Variants in PCDHA2 observed in about 807,000 individuals in gnomAD.
PCDHA2 encodes protocadherin alpha-2.
PCDHA2 carries 58 observed loss-of-function variants against 66.0 expected under a neutral mutation model. The ratio of observed to expected loss-of-function variants is 0.88; its 90% confidence interval spans 0.71 to 1.09. PCDHA2 has a LOEUF of 1.09. Among genes scored for constraint, PCDHA2 ranks in the 50% least tolerant of loss-of-function variants. The probability of loss-of-function intolerance (pLI) is 0.00; values close to 1 mark genes in which losing one functional copy is unlikely to be tolerated. For synonymous variants in PCDHA2, 634 were observed against 554.0 expected, an observed-to-expected ratio of 1.14 and a Z score of -2.03; for missense variants, 1,267 against 1,242.3, an observed-to-expected ratio of 1.02 and a Z score of -0.30.
intron 1 of PCDHA2, chr5:140,841,618 C>T (rs782778902): frequency 6.2e-7 from 1 of 1,614,014 alleles, no homozygotes; most frequent in South Asian, 1.1e-5. Flanking sequence ...GCGGGCGGAG[C>T]GCGGAGTGCA....
chr5:140,899,969 A>G (rs2067649868), intron 1 of PCDHA2, among the ~76,000 whole-genome samples: 1 of 151,820 alleles, frequency 6.6e-6, no homozygotes, highest in African/African-American at 2.4e-5. Flanking sequence ...TGCCATGCCC[A>G]GCTACTTTTT....
intron 1 of PCDHA2, among the ~76,000 whole-genome samples, chr5:140,921,828 A>C (rs1209455799): frequency 6.6e-6 from 1 of 152,126 alleles, no homozygotes; most frequent in Non-Finnish European, 1.5e-5. Flanking sequence ...ATATCTATAC[A>C]CATATAGACA....
chr5:140,965,323 G>A (rs2095891055), intron 1 of PCDHA2, among the ~76,000 whole-genome samples: 1 of 152,176 alleles, frequency 6.6e-6, no homozygotes, highest in South Asian at 2.1e-4. Flanking sequence ...TTTTACTGAA[G>A]TGAATTTGTT....
chr5:140,850,920 A>G (rs2150502262), intron 1 of PCDHA2: 1 of 1,526,818 alleles, frequency 6.5e-7, no homozygotes, highest in Non-Finnish European at 8.8e-7. Flanking sequence ...ATTTATTTAT[A>G]TAATTTTTTT....
intron 1 of PCDHA2, chr5:140,802,900 C>G (rs758831845): frequency 6.6e-5 from 106 of 1,613,672 alleles, no homozygotes; most frequent in Non-Finnish European, 8.8e-5. Flanking sequence ...CTGCTGATGC[C>G]TCGGGTGGGT....
intron 1 of PCDHA2, chr5:140,867,940 ACTT>A (rs2050206930): frequency 6.6e-6 from 1 of 152,110 alleles, no homozygotes; most frequent in African/African-American, 2.4e-5. Flanking sequence ...TTTTCCATGA[ACTT>A]CTGCTCCCAA....
chr5:140,835,878 G>T lies in PCDHA2; in HGVS notation c.2388+38526G>T, dbSNP rs138465402. On this transcript the variant is annotated intron_variant, in intron 1 of 3. Coordinates refer to ENST00000526136, the MANE Select transcript of PCDHA2 (RefSeq NM_018905.3). ...GTCCTACTCGCTGGTGGAGCTGCGG[G>T]TGGGCGAGCGCGCGCTGTCGAGCTA... The T allele has an allele frequency of 1.4e-4, 227 of 1,611,876 alleles. 3 individuals carry two copies. The highest frequency in any genetic ancestry group is 3.7e-4 in the Admixed American group (22 of 59,972).
At chr5:140,839,890 G>T (rs1168165739) in intron 1 of PCDHA2, among the ~76,000 whole-genome samples, 2 of 151,956 alleles carry the variant, frequency 1.3e-5, no homozygotes, top group Non-Finnish European at 2.9e-5. Context: ...AATTTTGACA[G>T]AAAAAGATGA....
chr5:140,870,774 G>GAACGAC (rs781868424), intron 1 of PCDHA2: 1 of 1,613,632 alleles, frequency 6.2e-7, no homozygotes, highest in South Asian at 1.1e-5. Context: ...TGCTGGACGA[G>GAACGAC]AACGACAACG....
intron 1 of PCDHA2, among the ~76,000 whole-genome samples, chr5:140,839,899 GAAGT>G (rs1776458768): frequency 6.6e-6 from 1 of 152,000 alleles, no homozygotes; most frequent in African/African-American, 2.4e-5. Flanking sequence ...AGAAAAAGAT[GAAGT>G]AATAGAAGAA....
At chr5:140,843,557 G>C (rs1778973583) in intron 1 of PCDHA2, 1 of 1,595,984 alleles carries the variant, frequency 6.3e-7, no homozygotes. Flanking sequence ...CAGTGCGGTG[G>C]GGAGCTGGTC....
intron 1 of PCDHA2, among the ~76,000 whole-genome samples, chr5:140,961,529 T>C (rs1208334511): frequency 2.6e-5 from 4 of 152,244 alleles, no homozygotes; most frequent in Admixed American, 1.3e-4. Flanking sequence ...AAATTCTAGA[T>C]AGACTGTTCC....
At position 140,869,273 on chromosome 5, in the gene PCDHA2, C is replaced by A. The variant is rs782135758; in HGVS notation, c.2388+71921C>A. 1.9e-6 allele frequency: 3 copies of A among 1,613,438 alleles called. No homozygotes were observed. Among genetic ancestry groups the A allele is most frequent in the African/African-American group, 2.7e-5 (2 of 74,920 alleles). On this transcript the variant is annotated intron_variant, in intron 1 of 3. Transcript: ENST00000526136. ...GCGCAGGACCTGGGGCTGGAGCTGG[C>A]GGAGCTGGTGCAGCGCCTGTTCCGG...
chr5:140,797,793 A>G (rs1426108455), intron 1 of PCDHA2, among the ~76,000 whole-genome samples: 2 of 152,174 alleles, frequency 1.3e-5, no homozygotes, highest in Non-Finnish European at 2.9e-5. Flanking sequence ...CATTTCTTAG[A>G]TTGTTCTTTG....
intron 1 of PCDHA2, chr5:140,927,104 C>T (rs1554204027): frequency 6.2e-7 from 1 of 1,613,722 alleles, no homozygotes; most frequent in Admixed American, 1.7e-5. Flanking sequence ...GTGGATCTAC[C>T]CAGCGGCAAT....
chr5:140,885,936 T>G (rs994325798), intron 1 of PCDHA2, among the ~76,000 whole-genome samples: 5 of 152,198 alleles, frequency 3.3e-5, no homozygotes, highest in Admixed American at 6.5e-5. Context: ...ATCTATTTTT[T>G]GACATTTTTA....
chr5:140,942,591 T>C (rs1180688838), intron 1 of PCDHA2, among the ~76,000 whole-genome samples: 1 of 147,516 alleles, frequency 6.8e-6, no homozygotes, highest in East Asian at 2.0e-4. Context: ...ATGTCACATA[T>C]AATTATAGTG....
At chr5:140,882,936 C>T (rs782513929) in intron 1 of PCDHA2, 5 of 1,614,082 alleles carry the variant, frequency 3.1e-6, no homozygotes, top group Non-Finnish European at 4.2e-6. Flanking sequence ...CCCGAGCTGA[C>T]TGGCACAGTT....
At chr5:140,829,826 G>C (rs2150175496) in intron 1 of PCDHA2, 2 of 1,613,796 alleles carry the variant, frequency 1.2e-6, no homozygotes, top group East Asian at 4.5e-5. Context: ...TGCAGTGAGC[G>C]AGCTGGTGCC....
Sources: allele counts gnomAD v4.1 joint callset (sites outside exome capture counted in the v4.1 genomes callset), GRCh38; gene constraint gnomAD v4.1.1; transcripts MANE v1.5; gene names NCBI Gene and HGNC (gene_info 2026-07-23, HGNC 2026-07-21).